NPC1L1: variants seen among roughly 807,000 people sequenced by gnomAD.
NPC1L1 encodes the protein NPC1 like intracellular cholesterol transporter 1.
Under a neutral mutation model 117.0 loss-of-function variants are expected in NPC1L1, and 98 were observed. That is an observed-to-expected ratio of 0.84 (90% CI 0.71 to 0.99). The LOEUF is 0.99. Ranked by LOEUF, NPC1L1 falls within the 50% of genes least tolerant of loss-of-function variation. The probability of loss-of-function intolerance (pLI) is 0.00; values close to 1 mark genes in which losing one functional copy is unlikely to be tolerated. For missense variants in NPC1L1, 1,540 were observed against 1,710.0 expected, an observed-to-expected ratio of 0.90 and a Z score of 1.75; for synonymous variants, 729 against 727.6, an observed-to-expected ratio of 1.00 and a Z score of -0.03.
Position 44,516,706 on chromosome 7 carries a change from G to A in NPC1L1, c.3516C>T (p.Val1172=), listed in dbSNP as rs753684816. 6.2e-7 allele frequency: 1 copy of A among 1,608,692 alleles called. No homozygotes were observed. The highest frequency in any genetic ancestry group is 1.3e-5 in the African/African-American group (1 of 74,816). ...GTGCCTGTGTCTGCTGGGTTACCGA[G>A]ACCAGGTTGATGAGGGACACAGCAT... ...SYNAVSLINL[V]SAVGMSVEFV... The change falls in exon 16 of 19, where the codon GTC becomes GTT. Residue 1172 remains valine (V), a synonymous_variant. Coordinates refer to ENST00000381160, the MANE Select transcript of NPC1L1 (RefSeq NM_001101648.2).
At position 44,540,197 on chromosome 7, in the gene NPC1L1, G is replaced by A. The variant is rs755623028; in HGVS notation, c.200C>T (p.Thr67Ile). 5.6e-6 allele frequency: 9 copies of A among 1,614,074 alleles called. No homozygotes were observed. Among genetic ancestry groups the A allele is most frequent in the Non-Finnish European group, 7.6e-6 (9 of 1,180,012 alleles). Residue 67 changes from threonine (T) to isoleucine (I), a missense_variant, in exon 2 of 19, where the codon ACA becomes ATA. By Grantham distance (89) the Thr-to-Ile change is moderately conservative. Coordinates refer to ENST00000381160, the MANE Select transcript of NPC1L1 (RefSeq NM_001101648.2). Reference protein sequence around the residue: ...CLSNTPARKITGDHLILLQKI... With the variant: ...CLSNTPARKIIGDHLILLQKI... The stretch of plus-strand genomic sequence containing the variant: ...CTGTAATAGGATCAGGTGATCACCT[G>A]TGATCTTGCGGGCCGGCGTGTTGGA...
In NPC1L1 at chr7:44,532,172, G is replaced by A; in HGVS notation, c.2455C>T (p.Pro819Ser). The A allele has an allele frequency of 6.2e-7, 1 of 1,613,998 alleles. No individual in the cohort carries two copies. The highest frequency in any genetic ancestry group is 1.7e-5 in the Admixed American group (1 of 60,022). Residue 819 changes from proline to serine, a missense_variant, in exon 9 of 19, where the codon CCC (proline) becomes TCC (serine). By Grantham distance (74) the Pro-to-Ser change is moderately conservative (BLOSUM62 -1). Coordinates refer to ENST00000381160, the MANE Select transcript of NPC1L1 (RefSeq NM_001101648.2). Reference sequence around the variant, plus strand: ...AGCCCCTCTCCCTGGCCAGGCGGGGGCAGCTCCTGGGGCTTGACACAGCAG... The same window carrying A: ...AGCCCCTCTCCCTGGCCAGGCGGGGACAGCTCCTGGGGCTTGACACAGCAG... ...VCCCVKPQEL[P>S]PPGQGEGLLL...
chr7:44,514,834 T>C (rs1022279517), intron 18 of NPC1L1, among the ~76,000 whole-genome samples: 18 of 151,528 alleles, frequency 1.2e-4, no homozygotes, highest in Admixed American at 1.2e-3. Flanking sequence ...AAACCCCGTC[T>C]CTACTAAAAA....
intron 10 of NPC1L1, among the ~76,000 whole-genome samples, chr7:44,523,181 G>A (rs1801412485): frequency 6.6e-6 from 1 of 152,140 alleles, no homozygotes; most frequent in Non-Finnish European, 1.5e-5. Flanking sequence ...TCAGCCTCCT[G>A]AGTAGCTAGG....
At position 44,535,957 on chromosome 7, in the gene NPC1L1, T is replaced by C. The variant is rs1457928116; in HGVS notation, c.1866A>G (p.Glu622=). ...CAGCTGTGGTGCGATTGATCTCGTC[T>C]TCCAGAGAGCGCTGTGGACACACAC... is the stretch of plus-strand genomic sequence containing the variant. ...QVTFMAERSL[E]DEINRTTAED... Residue 622 remains glutamate, a synonymous_variant, in exon 5 of 19, where the codon GAA becomes GAG. Coordinates refer to ENST00000381160, the MANE Select transcript of NPC1L1 (RefSeq NM_001101648.2). 1.2e-6 allele frequency: 2 copies of C among 1,613,110 alleles called. No individual in the cohort carries two copies. Among genetic ancestry groups the C allele is most frequent in the Non-Finnish European group, 1.7e-6 (2 of 1,180,032 alleles).
rs552443769 is a variant in NPC1L1 at position 44,515,281 on chromosome 7, G to C, written c.3796+522C>G. Among the ~76,000 whole-genome samples the C allele has an allele frequency of 2.6e-5, 4 of 152,160 alleles. No homozygotes were observed. The East Asian group carries it at 7.7e-4, about 29-fold the overall frequency. On this transcript the variant is annotated intron_variant, in intron 18 of 18. Transcript: ENST00000381160. ...AGGTGGGAGGATCACTTGAGCCTGG[G>C]AAGTCAAGGTGGCAGTGAGCTGTGA...
At position 44,536,852 on chromosome 7, in the gene NPC1L1, C is replaced by A. The variant is rs779287244; in HGVS notation, c.1671G>T (p.Gly557=). 3 of 1,613,904 alleles carry A rather than the reference C, an allele frequency of 1.9e-6. No homozygotes were observed. The highest frequency in any genetic ancestry group is 1.6e-4 in the Middle Eastern group (1 of 6,062). Reference sequence around the variant, plus strand: ...GCCCACTTAGCTTACCTTTGTACCCCCCAATGGCAAGGAAGGGGAAGACAG... The same window carrying A: ...GCCCACTTAGCTTACCTTTGTACCCACCAATGGCAAGGAAGGGGAAGACAG... ...GAPVFPFLAI[G]GYKGKDYSEA... The change falls in exon 3 of 19, where the codon GGG becomes GGT. Residue 557 remains glycine, a synonymous_variant. Coordinates refer to ENST00000381160, the MANE Select transcript of NPC1L1 (RefSeq NM_001101648.2). The surrounding 1 kb of genome is among the most constrained non-coding windows in gnomAD (Gnocchi z 4.7).
At chr7:44,525,200 A>G (rs1310840486) in intron 10 of NPC1L1, among the ~76,000 whole-genome samples, 1 of 152,228 alleles carries the variant, frequency 6.6e-6, no homozygotes, top group Non-Finnish European at 1.5e-5. Context: ...GAATATAAAC[A>G]TTCAAGAAAC....
Position 44,520,772 on chromosome 7 carries a change from C to G in NPC1L1, c.3129G>C (p.Gln1043His), listed in dbSNP as rs1801328092. The G allele has an allele frequency of 1.2e-6, 2 of 1,614,038 alleles. No individual in the cohort carries two copies. Among genetic ancestry groups the G allele is most frequent in the Admixed American group, 1.7e-5 (1 of 60,010 alleles). ...STSVNLTSDG[Q>H]VLASRFMAYH... ...AGGCAAGGCCATGCTTACCTAAAAC[C>G]TGGCCATCTGAAGTCAAGTTCACAG... Residue 1043 changes from glutamine to histidine, a missense_variant, in exon 14 of 19, where the codon CAG (glutamine) becomes CAC (histidine). Around this residue, in one of 3 missense-constraint regions of NPC1L1, gnomAD observed 742 missense variants for 873.6 expected, o/e 0.85. Transcript: ENST00000381160.
rs1275793180 is a variant in NPC1L1 at position 44,513,470 on chromosome 7, G to A, written c.3976C>T (p.Pro1326Ser). ...TATCAGAACTGCCGCCCATTGTTGGGCAAGAAGTTGCTGATGGCACCAGCA... is the reference window on the plus strand; with the variant it reads ...TATCAGAACTGCCGCCCATTGTTGGACAAGAAGTTGCTGATGGCACCAGCA... ...KGAGAISNFL[P>S]NNGRQF Residue 1326 changes from proline to serine, a missense_variant, in exon 19 of 19, where the codon CCC (proline) becomes TCC (serine). Around this residue, in one of 3 missense-constraint regions of NPC1L1, gnomAD observed 742 missense variants for 873.6 expected, o/e 0.85. Transcript: ENST00000381160. 6.2e-7 allele frequency: 1 copy of A among 1,614,170 alleles called. No individual in the cohort carries two copies. Among genetic ancestry groups the A allele is most frequent in the Admixed American group, 1.7e-5 (1 of 60,026 alleles).
intron 14 of NPC1L1, among the ~76,000 whole-genome samples, chr7:44,519,330 G>T (rs542250351): frequency 6.6e-6 from 1 of 152,146 alleles, no homozygotes; most frequent in African/African-American, 2.4e-5. Flanking sequence ...ACTTGCCCCC[G>T]GTTATGGGGG....
intron 10 of NPC1L1, among the ~76,000 whole-genome samples, chr7:44,529,160 C>T (rs1296202395): frequency 7.9e-6 from 1 of 126,794 alleles, no homozygotes; most frequent in African/African-American, 3.0e-5. Context: ...CACACACACA[C>T]ACACGATCGA....
At position 44,513,027 on chromosome 7, in the gene NPC1L1, G is replaced by A; in HGVS notation, c.*420C>T. 3.5e-6 allele frequency: 1 copy of A among 283,614 alleles called. No homozygotes were observed. The highest frequency in any genetic ancestry group is 7.0e-6 in the Non-Finnish European group (1 of 142,890). 17.6% of individuals were successfully genotyped at this position (283,614 alleles called of 1,614,324 possible). ...TATCACACCCAGGGTAGTGGTCATT[G>A]TCTGTGTTCTCAGGGACACTGCTAC... On this transcript the variant is annotated 3_prime_UTR_variant, in exon 19 of 19. Transcript: ENST00000381160.
At position 44,539,656 on chromosome 7, in the gene NPC1L1, T is replaced by C; in HGVS notation, c.741A>G (p.Gln247=). 3.7e-6 allele frequency: 6 copies of C among 1,613,880 alleles called. No homozygotes were observed. In the Middle Eastern group the frequency reaches 9.9e-4, roughly 266 times the overall value. Reference sequence around the variant, plus strand: ...AGGAGCAGGTCGCCACGTCGTCACCTTGGGACTCATTGCAACGTGCAACCC... The same window carrying C: ...AGGAGCAGGTCGCCACGTCGTCACCCTGGGACTCATTGCAACGTGCAACCC... ...NEGVARCNES[Q]GDDVATCSCQ... Residue 247 remains glutamine, a synonymous_variant, in exon 2 of 19, where the codon CAA becomes CAG. Coordinates refer to ENST00000381160, the MANE Select transcript of NPC1L1 (RefSeq NM_001101648.2). This position sits in a 1 kb window ranked among gnomAD's most constrained non-coding sequence, Gnocchi z 4.4.
intron 10 of NPC1L1, among the ~76,000 whole-genome samples, chr7:44,528,397 G>A (rs1801590355): frequency 6.6e-6 from 1 of 152,192 alleles, no homozygotes; most frequent in Non-Finnish European, 1.5e-5. Context: ...AAGCCACCAT[G>A]GCTAGCTCAA....
rs763852208 is a variant in NPC1L1, at chr7:44,538,974, G to A, written c.1423C>T (p.Leu475Phe). ...TAGAGACTGGTATTGTCCGGATTGA[G>A]GGGGGCGTAGCAGATGTCCTGCAGG... ...ISLQDICYAP[L>F]NPDNTSLYDC... Residue 475 changes from leucine to phenylalanine, a missense_variant, in exon 2 of 19, where the codon CTC becomes TTC. Coordinates refer to ENST00000381160, the MANE Select transcript of NPC1L1 (RefSeq NM_001101648.2). This position sits in a 1 kb window ranked among gnomAD's most constrained non-coding sequence, Gnocchi z 5.9. 2 of 1,614,104 alleles carry A rather than the reference G, an allele frequency of 1.2e-6. No individual in the cohort carries two copies. Among genetic ancestry groups the A allele is most frequent in the Non-Finnish European group, 8.5e-7 (1 of 1,180,046 alleles).
Position 44,532,180 on chromosome 7 carries a change from T to C in NPC1L1, c.2447A>G (p.Gln816Arg), listed in dbSNP as rs751528275. Residue 816 changes from glutamine to arginine, a missense_variant, in exon 9 of 19, where the codon CAG (glutamine) becomes CGG (arginine). This residue lies in a region of NPC1L1 where 742 missense variants were observed against 873.6 expected (regional missense o/e 0.85). Transcript: ENST00000381160. Reference protein sequence around the residue: ...RLDVCCCVKPQELPPPGQGEG... With the variant: ...RLDVCCCVKPRELPPPGQGEG... ...TCCCTGGCCAGGCGGGGGCAGCTCC[T>C]GGGGCTTGACACAGCAGCAGACGTC... 1.7e-5 allele frequency: 27 copies of C among 1,613,946 alleles called. No homozygotes were observed. Among genetic ancestry groups the C allele is most frequent in the Middle Eastern group, 3.3e-4 (2 of 6,060 alleles).
chr7:44,533,587 A>T (rs746130406), intron 7 of NPC1L1, 29 bp from the exon 8 acceptor site: 1 of 1,613,978 alleles, frequency 6.2e-7, no homozygotes, highest in South Asian at 1.1e-5. Flanking sequence ...CTGTCAGGGC[A>T]CCCTGGCTTC....
intron 10 of NPC1L1, among the ~76,000 whole-genome samples, chr7:44,525,991 C>A (rs1372990930): frequency 6.6e-6 from 1 of 150,566 alleles, no homozygotes; most frequent in African/African-American, 2.4e-5. Context: ...CATGGCAAAA[C>A]CCCATCTCTA....
Sources: allele counts gnomAD v4.1 joint callset (sites outside exome capture counted in the v4.1 genomes callset), GRCh38; gene constraint gnomAD v4.1.1; regional missense constraint gnomAD v4.1.1; non-coding constraint Gnocchi (gnomAD v3.1); transcripts MANE v1.5; gene names NCBI Gene and HGNC (gene_info 2026-07-23, HGNC 2026-07-21).